MOB1B: variants seen among roughly 807,000 people sequenced by gnomAD.
The protein encoded by MOB1B is MOB kinase activator 1B.
A neutral mutation model predicts 24.4 loss-of-function variants in MOB1B; 19 were observed. The ratio of observed to expected loss-of-function variants is 0.78; its 90% confidence interval spans 0.54 to 1.14. MOB1B has a LOEUF of 1.14. Ranked by LOEUF, MOB1B falls within the 50% of genes most tolerant of loss-of-function variation. MOB1B has a pLI of 0.00. For synonymous variants in MOB1B, 76 were observed against 82.1 expected, an observed-to-expected ratio of 0.93 and a Z score of 0.40; for missense variants, 243 against 259.6, an observed-to-expected ratio of 0.94 and a Z score of 0.44.
intron 4 of MOB1B, chr4:70,975,871 C>G (rs1156393524): frequency 1.2e-6 from 1 of 849,554 alleles, no homozygotes; most frequent in Non-Finnish European, 1.4e-6. Context: ...AAGGTAAACC[C>G]TCTATTTTAT....
intron 2 of MOB1B, among the ~76,000 whole-genome samples, chr4:70,959,746 A>G (rs1424588011): frequency 6.6e-6 from 1 of 152,214 alleles, no homozygotes; most frequent in Non-Finnish European, 1.5e-5. Flanking sequence ...TAACTTGCCT[A>G]GGTCATATAG....
At chr4:70,932,077 A>G (rs1736910153) in intron 1 of MOB1B, among the ~76,000 whole-genome samples, 1 of 152,170 alleles carries the variant, frequency 6.6e-6, no homozygotes, top group Non-Finnish European at 1.5e-5. Context: ...TACAATATGT[A>G]GATATAACTC....
intron 1 of MOB1B, among the ~76,000 whole-genome samples, chr4:70,919,510 T>C (rs1301844840): frequency 6.6e-6 from 1 of 152,186 alleles, no homozygotes; most frequent in Non-Finnish European, 1.5e-5. Context: ...TTTTTTGTTG[T>C]TGTTTTGAGA....
chr4:70,902,593 A>T (rs1219710715), intron 1 of MOB1B, 43 bp downstream of exon 1: 1 of 1,521,172 alleles, frequency 6.6e-7, no homozygotes, highest in Non-Finnish European at 8.8e-7. Flanking sequence ...GTTCGGGTGG[A>T]CCTGGGCCCC....
At chr4:70,935,847 A>ATT (rs11395356) in intron 1 of MOB1B, among the ~76,000 whole-genome samples, 7,345 of 100,086 alleles carry the variant, frequency 0.073, 601 homozygotes, top group East Asian at 0.22. Context: ...TGGTACACTA[A>ATT]TTTTTTTTTT....
intron 1 of MOB1B, 167 bp from the exon 2 acceptor site, chr4:70,958,707 C>CA: frequency 1.3e-6 from 1 of 794,268 alleles, no homozygotes; most frequent in Non-Finnish European, 2.2e-6. Context: ...GTTAACTAGA[C>CA]ACAGCAGAGA....
intron 1 of MOB1B, among the ~76,000 whole-genome samples, chr4:70,923,940 CA>C (rs34422316): frequency 0.19 from 10,073 of 53,880 alleles, 281 homozygotes; most frequent in African/African-American, 0.22. Context: ...GAGTGAGACT[CA>C]AAAAAAAAAA....
At chr4:70,954,615 C>A (rs1418882300) in intron 1 of MOB1B, among the ~76,000 whole-genome samples, 1 of 151,826 alleles carries the variant, frequency 6.6e-6, no homozygotes, top group Non-Finnish European at 1.5e-5. Flanking sequence ...GCCACCATGC[C>A]CAGCTAATTA....
chr4:70,906,690 T>C (rs1560625122), intron 1 of MOB1B, among the ~76,000 whole-genome samples: 1 of 152,218 alleles, frequency 6.6e-6, no homozygotes, highest in Non-Finnish European at 1.5e-5. Context: ...TTGCACTGCA[T>C]ATGTGGGTTT....
In MOB1B at chr4:70,955,457, A is replaced by G. The variant is rs144867344; in HGVS notation, c.15-3417A>G. ...TTTTTGTAAAATATGTTTGTGAAGT[A>G]TGTGTCCTTTTTTTTTTTTTTTTTT... is the stretch of plus-strand genomic sequence containing the variant. On this transcript the variant is annotated intron_variant, in intron 1 of 5. Coordinates refer to ENST00000309395, the MANE Select transcript of MOB1B (RefSeq NM_173468.4). Among the ~76,000 whole-genome samples, 686 of 131,940 alleles carry G rather than the reference A, an allele frequency of 5.2e-3. 5 individuals are homozygous for G. Among genetic ancestry groups the G allele is most frequent in the African/African-American group, 0.016 (578 of 35,604 alleles). The allele number at this position is 131,940 out of a possible 152,430, so 86.6% of individuals were successfully genotyped here.
chr4:70,926,474 T>A (rs1359639086), intron 1 of MOB1B, among the ~76,000 whole-genome samples: 1 of 152,194 alleles, frequency 6.6e-6, no homozygotes, highest in African/African-American at 2.4e-5. Flanking sequence ...AATGACAGAA[T>A]GTATATGAAA....
chr4:70,941,959 A>G (rs1737364878), intron 1 of MOB1B, among the ~76,000 whole-genome samples: 1 of 152,176 alleles, frequency 6.6e-6, no homozygotes, highest in Admixed American at 6.6e-5. Context: ...ATGTTTTAAT[A>G]GTTGTGAAAG....
chr4:70,903,473 C>G (rs556102290), intron 1 of MOB1B, among the ~76,000 whole-genome samples: 1 of 152,274 alleles, frequency 6.6e-6, no homozygotes, highest in African/African-American at 2.4e-5. Flanking sequence ...CCTCTGAAAA[C>G]AGGGGTTACA....
At chr4:70,908,497 G>A (rs975799426) in intron 1 of MOB1B, among the ~76,000 whole-genome samples, 3 of 151,642 alleles carry the variant, frequency 2.0e-5, no homozygotes, top group Non-Finnish European at 4.4e-5. Context: ...AATTTAGGCC[G>A]GGCACGGTGG....
chr4:70,947,927 C>G (rs185372471), intron 1 of MOB1B, among the ~76,000 whole-genome samples: 6 of 152,322 alleles, frequency 3.9e-5, no homozygotes, highest in Admixed American at 3.3e-4. Flanking sequence ...GAATTTTAAA[C>G]TTTAATGAAG....
chr4:70,964,758 C>T (rs1738444058), intron 2 of MOB1B, among the ~76,000 whole-genome samples: 3 of 151,748 alleles, frequency 2.0e-5, no homozygotes, highest in Admixed American at 2.0e-4. Flanking sequence ...GGCGAAACCC[C>T]ATCTCTACTA....
At chr4:70,979,623 C>T (rs975167139) in intron 5 of MOB1B, among the ~76,000 whole-genome samples, 2 of 152,154 alleles carry the variant, frequency 1.3e-5, no homozygotes, top group African/African-American at 4.8e-5. Context: ...TTTAGTACTT[C>T]TCCTACTGCA....
chr4:70,955,270 G>A (rs1737994480), intron 1 of MOB1B, among the ~76,000 whole-genome samples: 1 of 152,104 alleles, frequency 6.6e-6, no homozygotes, highest in Non-Finnish European at 1.5e-5. Flanking sequence ...ACTCTTGCCA[G>A]CCATTTTCAG....
At position 70,983,085 on chromosome 4, in the gene MOB1B, G is replaced by A. The variant is rs1404206964; in HGVS notation, c.*1028G>A. On this transcript the variant is annotated 3_prime_UTR_variant, in exon 6 of 6. Coordinates refer to ENST00000309395, the MANE Select transcript of MOB1B (RefSeq NM_173468.4). Reference sequence around the variant, plus strand: ...TTTTAATCAATTACTTATAAACAAAGTCTTAGAGACTTCCTTTTAGGAATC... The same window carrying A: ...TTTTAATCAATTACTTATAAACAAAATCTTAGAGACTTCCTTTTAGGAATC... 1 of 152,268 alleles carries A rather than the reference G, an allele frequency of 6.6e-6. No individual in the cohort carries two copies. Among genetic ancestry groups the A allele is most frequent in the African/African-American group, 2.4e-5 (1 of 41,398 alleles). 9.4% of individuals were successfully genotyped at this position (152,268 alleles called of 1,614,324 possible).
Sources: allele counts gnomAD v4.1 joint callset (sites outside exome capture counted in the v4.1 genomes callset), GRCh38; gene constraint gnomAD v4.1.1; transcripts MANE v1.5; gene names NCBI Gene and HGNC (gene_info 2026-07-23, HGNC 2026-07-21).